The following GLYATL2 variants were observed in gnomAD, a reference collection of about 807,000 sequenced individuals.
GLYATL2 encodes the protein glycine N-acyltransferase-like protein 2.
GLYATL2 carries 25 observed loss-of-function variants against 21.4 expected under a neutral mutation model. That is an observed-to-expected ratio of 1.17 (90% CI 0.85 to 1.63). The LOEUF (loss-of-function observed/expected upper bound fraction) is 1.63, where lower values mean the gene tolerates loss of function less well. GLYATL2 is among the 40% of genes most tolerant of loss of function. GLYATL2 has a pLI of 0.00. For missense variants in GLYATL2, 361 were observed against 343.3 expected (o/e 1.05, Z -0.41); for synonymous variants, 114 against 118.2 (o/e 0.96, Z 0.23).
chr11:58,879,325 T>C (rs948486782), intron 1 of GLYATL2, among the ~76,000 whole-genome samples: 1 of 152,224 alleles, frequency 6.6e-6, no homozygotes, highest in Non-Finnish European at 1.5e-5. Flanking sequence ...TCCATGTGCA[T>C]GCATATTTTG....
At chr11:58,839,044 A>T (rs1484509603) in intron 2 of GLYATL2, among the ~76,000 whole-genome samples, 4 of 152,184 alleles carry the variant, frequency 2.6e-5, no homozygotes, top group Non-Finnish European at 4.4e-5. Flanking sequence ...TGCCTACTGA[A>T]CTGTGAGGGG....
chr11:58,900,461 C>T (rs1854716975), intron 1 of GLYATL2, among the ~76,000 whole-genome samples: 2 of 152,180 alleles, frequency 1.3e-5, no homozygotes, highest in South Asian at 4.1e-4. Context: ...TTATCTCTCT[C>T]CCTATTCTCT....
chr11:58,908,372 T>G (rs184867823), upstream of GLYATL2: 376 of 153,156 alleles, frequency 2.5e-3, no homozygotes, highest in Non-Finnish European at 3.9e-3. Context: ...TGTTTTTTTG[T>G]TTTTTTAGAC....
chr11:58,894,350 T>C (rs1854598070), intron 1 of GLYATL2, among the ~76,000 whole-genome samples: 1 of 151,968 alleles, frequency 6.6e-6, no homozygotes, highest in Admixed American at 6.6e-5. Flanking sequence ...TAAATACTTA[T>C]ATTACAATTC....
chr11:58,837,320 G>A lies in GLYATL2; in HGVS notation c.264C>T (p.Val88=), dbSNP rs61729335. ...AGCTGATTACATTGGAGTATGACAGGACTTCCTCTAATTTGTCAGGAGCTT... is the reference window on the plus strand; with the variant it reads ...AGCTGATTACATTGGAGTATGACAGAACTTCCTCTAATTTGTCAGGAGCTT... ...FTKAPDKLEE[V]LSYSNVISWE... is the part of the protein sequence containing the mutation. The change falls in exon 4 of 6, where the codon GTC becomes GTT. Residue 88 remains valine (V), a synonymous_variant. Coordinates refer to ENST00000287275, the MANE Select transcript of GLYATL2 (RefSeq NM_145016.4). The A allele has an allele frequency of 1.9e-6, 3 of 1,613,756 alleles. No individual in the cohort carries two copies. Among genetic ancestry groups the A allele is most frequent in the African/African-American group, 1.3e-5 (1 of 74,910 alleles).
chr11:58,850,795 T>C (rs12792085), intron 1 of GLYATL2, among the ~76,000 whole-genome samples: 2 of 152,030 alleles, frequency 1.3e-5, no homozygotes, highest in Non-Finnish European at 2.9e-5. Flanking sequence ...CCACCACTCT[T>C]GTGGAGGGCC....
At chr11:58,843,792 C>A (rs1411166976) in intron 1 of GLYATL2, among the ~76,000 whole-genome samples, 1 of 152,122 alleles carries the variant, frequency 6.6e-6, no homozygotes. Context: ...ATGTCAGAGG[C>A]ACTCAGAGGT....
intron 1 of GLYATL2, among the ~76,000 whole-genome samples, chr11:58,869,935 C>T (rs1281379974): frequency 1.3e-5 from 2 of 152,148 alleles, no homozygotes; most frequent in Non-Finnish European, 2.9e-5. Context: ...CCGCCTGCAT[C>T]TCTATAAAAT....
intron 1 of GLYATL2, among the ~76,000 whole-genome samples, chr11:58,888,152 AT>A (rs1358383723): frequency 6.6e-6 from 1 of 152,066 alleles, no homozygotes; most frequent in Non-Finnish European, 1.5e-5. Context: ...TTGTTTGACC[AT>A]TTTTACACTG....
intron 1 of GLYATL2, among the ~76,000 whole-genome samples, chr11:58,862,243 T>C (rs1259215241): frequency 6.6e-6 from 1 of 152,186 alleles, no homozygotes; most frequent in East Asian, 1.9e-4. Context: ...AGAATCTTCC[T>C]TTCCTTTGAT....
At chr11:58,871,554 A>G (rs1175360994) in intron 1 of GLYATL2, among the ~76,000 whole-genome samples, 2 of 149,910 alleles carry the variant, frequency 1.3e-5, no homozygotes, top group Non-Finnish European at 2.9e-5. Context: ...TGTCCTTGTG[A>G]TAGTTTGCTG....
intron 1 of GLYATL2, among the ~76,000 whole-genome samples, chr11:58,863,369 C>T (rs1167413775): frequency 6.6e-6 from 1 of 152,084 alleles, no homozygotes; most frequent in African/African-American, 2.4e-5. Flanking sequence ...AGGATTAGAG[C>T]CTGCAACTGG....
intron 1 of GLYATL2, among the ~76,000 whole-genome samples, chr11:58,881,428 T>C (rs1854332109): frequency 6.6e-6 from 1 of 152,218 alleles, no homozygotes; most frequent in Non-Finnish European, 1.5e-5. Context: ...AGTTTACAGA[T>C]ATGTGTCAAA....
chr11:58,864,767 T>TTA (rs1853994720), intron 1 of GLYATL2, among the ~76,000 whole-genome samples: 1 of 149,242 alleles, frequency 6.7e-6, no homozygotes, highest in African/African-American at 2.4e-5. Flanking sequence ...AGATAGTTGT[T>TTA]TAAATTGATG....
intron 1 of GLYATL2, among the ~76,000 whole-genome samples, chr11:58,903,918 A>C (rs1854790063): frequency 6.6e-6 from 1 of 152,154 alleles, no homozygotes; most frequent in Admixed American, 6.5e-5. Context: ...AATATATCAA[A>C]AGTAGAATTA....
intron 1 of GLYATL2, among the ~76,000 whole-genome samples, chr11:58,866,925 G>T (rs1479727884): frequency 6.7e-6 from 1 of 149,300 alleles, no homozygotes; most frequent in African/African-American, 2.4e-5. Context: ...GGTGCCAATG[G>T]CTATCAGATG....
intron 1 of GLYATL2, among the ~76,000 whole-genome samples, chr11:58,894,956 CTAATACAGA>C (rs6144358): frequency 0.88 from 133,561 of 151,762 alleles, 60,123 homozygotes; most frequent in Non-Finnish European, 0.98. Flanking sequence ...CATGCAAAAG[CTAATACAGA>C]TAATACAGAT....
intron 1 of GLYATL2, among the ~76,000 whole-genome samples, chr11:58,873,082 C>T (rs1302577601): frequency 4.0e-5 from 6 of 151,030 alleles, no homozygotes; most frequent in African/African-American, 7.3e-5. Context: ...TTTGGCTCTC[C>T]GTTTGTCTGT....
upstream of GLYATL2, chr11:58,907,796 C>A (rs778229548): frequency 1.1e-5 from 2 of 182,152 alleles, no homozygotes; most frequent in South Asian, 1.2e-4. Context: ...ACATGGAAAC[C>A]ATTTCATACT....
Sources: allele counts gnomAD v4.1 joint callset (sites outside exome capture counted in the v4.1 genomes callset), GRCh38; gene constraint gnomAD v4.1.1; transcripts MANE v1.5; gene names NCBI Gene and HGNC (gene_info 2026-07-23, HGNC 2026-07-21).